Variants in TRPM5 observed in about 807,000 individuals in gnomAD.
TRPM5 encodes the protein transient receptor potential cation channel subfamily M member 5, also known as MLSN1 and TRP-related.
In TRPM5, 121 loss-of-function variants were observed where a neutral mutation model predicts 124.9. The ratio of observed to expected loss-of-function variants is 0.97; its 90% CI spans 0.84 to 1.13. The LOEUF (loss-of-function observed/expected upper bound fraction) is 1.13, where lower values mean the gene tolerates loss of function less well. Among genes scored for constraint, TRPM5 ranks in the 50% most tolerant of loss-of-function variants. TRPM5 has a pLI of 0.00. For missense variants in TRPM5, 1,643 were observed against 1,589.1 expected, an observed-to-expected ratio of 1.03 and a Z score of -0.58; for synonymous variants, 781 against 700.5, an observed-to-expected ratio of 1.11 and a Z score of -1.81.
exon 21 of TRPM5, chr11:2,406,671 T>C: frequency 6.2e-7 from 1 of 1,610,246 alleles, no homozygotes; most frequent in South Asian, 1.1e-5. Context: ...CTGTGGGCGG[T>C]TTTCCGCAGC....
At chr11:2,418,430 G>T in intron 5 of TRPM5, 72 bp from the exon 11 acceptor site, 2 of 1,495,934 alleles carry the variant, frequency 1.3e-6, no homozygotes, top group Non-Finnish European at 1.8e-6. Context: ...TGTCAGGGGT[G>T]CCCCCATCCC....
chr11:2,434,894 T>G, the TRPM5 span, among the ~76,000 whole-genome samples: 1 of 152,208 alleles, frequency 6.6e-6, no homozygotes, highest in African/African-American at 2.4e-5. Flanking sequence ...ACACCGCCAC[T>G]CATCCATGAA....
downstream of TRPM5, among the ~76,000 whole-genome samples, chr11:2,404,287 C>T (rs776376566): frequency 3.9e-5 from 6 of 152,168 alleles, no homozygotes; most frequent in Non-Finnish European, 5.9e-5. Context: ...ATCTGGGCCA[C>T]GTGGGGTACA....
rs551901227 is a variant in TRPM5, at chr11:2,417,276, C to T, written c.1009+451G>A. Among the ~76,000 whole-genome samples, 17 of 152,238 alleles carry T rather than the reference C, an allele frequency of 1.1e-4. No homozygotes were observed. The South Asian group carries it at 3.3e-3, about 30-fold the overall frequency. On this transcript the variant is annotated intron_variant, in intron 7 of 23. Transcript: ENST00000155858. The stretch of plus-strand genomic sequence containing the variant: ...ACCATCCTGGCTAACACGGTGAAAC[C>T]CCGTCTCTACTAAAAATACAAAAAC...
chr11:2,415,597 C>A, intron 8 of TRPM5, 126 bp from the exon 14 acceptor site: 2 of 704,026 alleles, frequency 2.8e-6, no homozygotes, highest in Non-Finnish European at 4.6e-6. Flanking sequence ...TCACGCAGAC[C>A]CTCTCGCTCT....
intron 18 of TRPM5, chr11:2,410,635 C>T (rs1267618832): frequency 4.4e-6 from 2 of 450,834 alleles, no homozygotes; most frequent in East Asian, 7.0e-5. Flanking sequence ...CTACAGAGGC[C>T]CCCATGGCCA....
At chr11:2,404,963 C>T (rs746210481) in exon 24 of TRPM5, 6 of 1,612,524 alleles carry the variant, frequency 3.7e-6, no homozygotes, top group South Asian at 1.1e-5. Flanking sequence ...GGCTGGCCAG[C>T]CCCGGGTTGT....
In TRPM5 at chr11:2,420,301, G is replaced by C. The variant is rs146872968; in HGVS notation, c.570C>G (p.Pro190=). The change falls in exon 4 of 24, where the codon CCC becomes CCG. Residue 190 remains proline, a synonymous_variant. Coordinates refer to ENST00000155858, the Ensembl canonical transcript of TRPM5. ...CCGTCAGCCCATCGCCCTTCCCCGG[G>C]GGGCCTGGCTCCACCAGGATGAAGT... 5 of 1,612,556 alleles carry C rather than the reference G, an allele frequency of 3.1e-6. No homozygotes were observed. The East Asian group carries it at 6.7e-5, about 22-fold the overall frequency.
At chr11:2,412,338 A>AGGATCAGGGTTCAGCGTGCAATGG in intron 15 of TRPM5, 85 bp from the exon 21 acceptor site, 2 of 1,018,566 alleles carry the variant, frequency 2.0e-6, no homozygotes, top group Non-Finnish European at 1.5e-6. Context: ...TGGATCTGTA[A>AGGATCAGGGTTCAGCGTGCAATGG]GGATCAGGGT....
intron 22 of TRPM5, 34 bp from the exon 28 acceptor site, chr11:2,405,627 G>A (rs75345846): frequency 0.02 from 30,321 of 1,550,530 alleles, 373 homozygotes; most frequent in Non-Finnish European, 0.023. Flanking sequence ...GAAGCTCCAG[G>A]GCTCTCTCAG....
chr11:2,407,889 G>A (rs1200102151), exon 19 of TRPM5: 1 of 1,613,868 alleles, frequency 6.2e-7, no homozygotes. Flanking sequence ...AGCAGTGGGT[G>A]GGTGGAGCAG....
At chr11:2,434,942 T>C in the TRPM5 span, among the ~76,000 whole-genome samples, 49 of 152,328 alleles carry the variant, frequency 3.2e-4, no homozygotes, top group African/African-American at 1.1e-3. Flanking sequence ...ATGCAGTCAT[T>C]GGATACAGAT....
At chr11:2,405,531 G>C (rs543632428) in exon 23 of TRPM5, 1 of 1,559,588 alleles carries the variant, frequency 6.4e-7, no homozygotes, top group South Asian at 1.2e-5. Flanking sequence ...GCTTACTCCG[G>C]GGGCCGCCAC....
At chr11:2,406,587 T>C in intron 21 of TRPM5, 74 bp downstream of exon 26, 1 of 1,520,782 alleles carries the variant, frequency 6.6e-7, no homozygotes, top group Non-Finnish European at 8.9e-7. Context: ...AGATCCTCTG[T>C]CACTGGCGCC....
Position 2,421,180 on chromosome 11 carries a change from C to G in TRPM5, c.317G>C (p.Ser106Thr), listed in dbSNP as rs748111492. ...CCTGGCCAGGCCCACGCGGAGGGCA[C>G]TGGTCAGGATCCAGGCTCCTGTGGG... is the stretch of plus-strand genomic sequence containing the variant. The change falls in exon 3 of 24, where the codon AGT becomes ACT. Residue 106 changes from serine to threonine, a missense_variant. Ser to Thr is a moderately conservative substitution (Grantham distance 58). Coordinates refer to ENST00000155858, the Ensembl canonical transcript of TRPM5. 4.5e-6 allele frequency: 7 copies of G among 1,540,832 alleles called. No homozygotes were observed. In the South Asian group the frequency reaches 6.0e-5, roughly 13 times the overall value.
At chr11:2,406,224 GC>G in intron 21 of TRPM5, 133 bp from the exon 27 acceptor site, 1 of 917,978 alleles carries the variant, frequency 1.1e-6, no homozygotes, top group Non-Finnish European at 1.7e-6. Context: ...CCTCCCTCAT[GC>G]CCAGATCTGG....
chr11:2,421,275 G>C, intron 2 of TRPM5, 77 bp from the exon 8 acceptor site: 2 of 1,449,118 alleles, frequency 1.4e-6, no homozygotes, highest in Non-Finnish European at 9.1e-7. Context: ...CTAACCCCTA[G>C]GCCCAATCAG....
chr11:2,410,536 T>G, intron 18 of TRPM5: 1 of 298,356 alleles, frequency 3.4e-6, no homozygotes, highest in South Asian at 2.5e-5. Context: ...TGCGTCCCTT[T>G]CCAGGTTGGG....
chr11:2,435,934 G>C, the TRPM5 span, among the ~76,000 whole-genome samples: 3 of 152,378 alleles, frequency 2.0e-5, no homozygotes, highest in East Asian at 5.8e-4. This position sits in a 1 kb window ranked among gnomAD's most constrained non-coding sequence, Gnocchi z 4.1. Flanking sequence ...CTGGGGAACA[G>C]GCAGCAGGTA....
Sources: allele counts gnomAD v4.1 joint callset (sites outside exome capture counted in the v4.1 genomes callset), GRCh38; gene constraint gnomAD v4.1.1; non-coding constraint Gnocchi (gnomAD v3.1); transcripts MANE v1.5; gene names NCBI Gene and HGNC (gene_info 2026-07-23, HGNC 2026-07-21).